OCM: variants seen among roughly 807,000 people sequenced by gnomAD.
OCM encodes oncomodulin.
OCM carries 18 observed loss-of-function variants against 14.1 expected under a neutral mutation model. That is an observed-to-expected ratio of 1.28 (90% CI 0.88 to 1.89). OCM has a LOEUF of 1.89. Ranked by LOEUF, OCM falls within the 40% of genes most tolerant of loss-of-function variation. The pLI is 0.00. For missense variants in OCM, 140 were observed against 137.6 expected (o/e 1.02, Z -0.09); for synonymous variants, 48 against 51.0 (o/e 0.94, Z 0.25).
chr7:5,869,551 T>C, the OCM span, among the ~76,000 whole-genome samples: 2 of 152,104 alleles, frequency 1.3e-5, no homozygotes, highest in African/African-American at 4.8e-5. Flanking sequence ...TGAGCCGAGA[T>C]GGCACCACTG....
the OCM span, among the ~76,000 whole-genome samples, chr7:5,868,928 TG>T: frequency 6.6e-6 from 1 of 151,898 alleles, no homozygotes; most frequent in East Asian, 1.9e-4. Context: ...CCAGGCATAG[TG>T]GTGTCCGCCT....
At chr7:5,866,897 G>T in the OCM span, among the ~76,000 whole-genome samples, 1 of 152,180 alleles carries the variant, frequency 6.6e-6, no homozygotes, top group East Asian at 1.9e-4. Context: ...TATAACCGCC[G>T]TCCTGTGTCT....
the OCM span, among the ~76,000 whole-genome samples, chr7:5,866,987 C>G: frequency 2.6e-5 from 4 of 152,164 alleles, no homozygotes; most frequent in Non-Finnish European, 5.9e-5. Context: ...GGATATTTTT[C>G]CATATCATTA....
At chr7:5,882,686 G>C (rs1444942862) in intron 2 of OCM, 61 bp downstream of exon 2, 2 of 1,593,670 alleles carry the variant, frequency 1.3e-6, no homozygotes, top group Non-Finnish European at 1.7e-6. Context: ...GGGGTGCAGT[G>C]GGGGCCAGGT....
At chr7:5,883,837 A>C (rs1781275530) in intron 2 of OCM, 53 bp from the exon 3 acceptor site, 1 of 1,608,548 alleles carries the variant, frequency 6.2e-7, no homozygotes, top group Non-Finnish European at 8.5e-7. Flanking sequence ...AAGTGTAAAC[A>C]CAGAGATGCA....
At chr7:5,881,161 AC>A (rs2128606552) in intron 1 of OCM, among the ~76,000 whole-genome samples, 1 of 151,894 alleles carries the variant, frequency 6.6e-6, no homozygotes, top group South Asian at 2.1e-4. Context: ...TACTAAAAAT[AC>A]AAAAAAATTA....
the OCM span, among the ~76,000 whole-genome samples, chr7:5,863,359 C>A: frequency 9.9e-5 from 15 of 152,046 alleles, no homozygotes; most frequent in African/African-American, 3.6e-4. Context: ...ATGACTCATT[C>A]CCTTTTTCGG....
the OCM span, among the ~76,000 whole-genome samples, chr7:5,863,862 G>A: frequency 2.6e-5 from 4 of 152,086 alleles, no homozygotes; most frequent in African/African-American, 9.7e-5. Flanking sequence ...AAGGCAGGAA[G>A]GCAGAGTGAG....
chr7:5,865,367 G>A, the OCM span, among the ~76,000 whole-genome samples: 20 of 152,076 alleles, frequency 1.3e-4, no homozygotes, highest in Non-Finnish European at 2.4e-4. Context: ...TTTTACTAAC[G>A]ATTCATAATT....
chr7:5,868,820 T>C, the OCM span, among the ~76,000 whole-genome samples: 18 of 152,022 alleles, frequency 1.2e-4, no homozygotes, highest in African/African-American at 4.1e-4. Flanking sequence ...CCCAGCACTT[T>C]GGGAGGCCAA....
upstream of OCM, among the ~76,000 whole-genome samples, chr7:5,879,252 T>G (rs1212820922): frequency 6.6e-6 from 1 of 152,168 alleles, no homozygotes; most frequent in Non-Finnish European, 1.5e-5. Context: ...CTCAGAATAT[T>G]TGTTTCTGAA....
chr7:5,884,926 A>T (rs1278578166), intron 3 of OCM, among the ~76,000 whole-genome samples: 1 of 151,944 alleles, frequency 6.6e-6, no homozygotes, highest in Non-Finnish European at 1.5e-5. Context: ...TCAAGACTAG[A>T]CTGACCAACA....
At chr7:5,876,959 C>A (rs1272418705), upstream of OCM, among the ~76,000 whole-genome samples, 2 of 152,170 alleles carry the variant, frequency 1.3e-5, no homozygotes, top group Non-Finnish European at 2.9e-5. Flanking sequence ...GCATGCGCCA[C>A]CATGCTCGGC....
chr7:5,860,338 GTA>G, the OCM span, among the ~76,000 whole-genome samples: 84 of 148,268 alleles, frequency 5.7e-4, no homozygotes, highest in African/African-American at 2.0e-3. Context: ...GGGGCTCTCC[GTA>G]TGTGTGTGTG....
Position 5,881,532 on chromosome 7 carries a change from A to G in OCM, c.61+582A>G, listed in dbSNP as rs182336153. 6.1e-4 allele frequency among the ~76,000 whole-genome samples: 92 copies of G among 152,046 alleles called. 2 individuals carry two copies. In the East Asian group the frequency reaches 0.016, roughly 26 times the overall value. ...GTGGTCCCAGCTACTCTGGAAACTA[A>G]GGTAGGAGGATCACTGAAGCCCAGG... On this transcript the variant is annotated intron_variant, in intron 1 of 3. Coordinates refer to ENST00000242104, the MANE Select transcript of OCM (RefSeq NM_001097622.2).
chr7:5,880,685 G>C (rs1781192530), upstream of OCM: 1 of 502,380 alleles, frequency 2.0e-6, no homozygotes, highest in African/African-American at 1.9e-5. Context: ...CTTGAGCCCA[G>C]GAGGCGGAGG....
At chr7:5,884,053 G>A in intron 3 of OCM, 54 bp downstream of exon 3, 9 of 1,604,566 alleles carry the variant, frequency 5.6e-6, no homozygotes, top group Non-Finnish European at 7.7e-6. Context: ...AAGCATCCGT[G>A]AGGGCTTGGG....
chr7:5,884,652 CAT>C (rs1781296682), intron 3 of OCM, among the ~76,000 whole-genome samples: 1 of 151,130 alleles, frequency 6.6e-6, no homozygotes, highest in African/African-American at 2.4e-5. Context: ...CTCAGCAGAA[CAT>C]ATGATGGTCC....
At chr7:5,874,259 A>T in the OCM span, among the ~76,000 whole-genome samples, 5 of 132,968 alleles carry the variant, frequency 3.8e-5, no homozygotes, top group Non-Finnish European at 6.3e-5. Flanking sequence ...AAAAAGATCT[A>T]TTTCCACATC....
Sources: gnomAD v4.1 joint callset for allele counts (sites outside exome capture counted in the v4.1 genomes callset) on GRCh38, gnomAD v4.1.1 for gene constraint, MANE v1.5 for transcripts, NCBI Gene and HGNC (gene_info 2026-07-23, HGNC 2026-07-21) for gene names.